Variants in ANGPT2 observed in about 807,000 individuals in gnomAD.
The protein encoded by ANGPT2 is angiopoietin 2.
Under a neutral mutation model 62.9 loss-of-function variants are expected in ANGPT2, and 28 were observed. The ratio of observed to expected loss-of-function variants is 0.44; its 90% CI spans 0.33 to 0.61. ANGPT2 has a LOEUF of 0.61. ANGPT2 is among the 20% of genes least tolerant of loss of function. The pLI is 0.03. For synonymous variants in ANGPT2, 284 were observed against 207.8 expected, an observed-to-expected ratio of 1.37 and a Z score of -3.15; for missense variants, 727 against 594.9, an observed-to-expected ratio of 1.22 and a Z score of -2.31.
intron 1 of ANGPT2, among the ~76,000 whole-genome samples, chr8:6,534,433 C>G (rs1355991954): frequency 6.6e-6 from 1 of 152,046 alleles, no homozygotes; most frequent in Non-Finnish European, 1.5e-5. Context: ...ATCAGTCCCC[C>G]ACAGACATCA....
intron 1 of ANGPT2, among the ~76,000 whole-genome samples, chr8:6,532,864 G>A (rs549559342): frequency 1.8e-4 from 27 of 152,312 alleles, no homozygotes; most frequent in African/African-American, 6.5e-4. Context: ...CTCTGACCAT[G>A]CAGTCAGGAA....
In ANGPT2 at chr8:6,505,285, T is replaced by G. The variant is rs1254303509; in HGVS notation, c.1328-2024A>C. 1.9e-5 allele frequency among the ~76,000 whole-genome samples: 2 copies of G among 105,324 alleles called. 1 individual carries two copies. The highest frequency in any genetic ancestry group is 3.5e-5 in the Non-Finnish European group (2 of 57,592). The allele number at this position is 105,324 out of a possible 152,430, so 69.1% of individuals were successfully genotyped here. ...TTTTATATATATGTATACATATATA[T>G]GTTATATACATATATATGTATATAA... On this transcript the variant is annotated intron_variant, in intron 8 of 8. Coordinates refer to ENST00000629816, the MANE Select transcript of ANGPT2 (RefSeq NM_001118887.2).
intron 1 of ANGPT2, among the ~76,000 whole-genome samples, chr8:6,544,788 T>C (rs547652898): frequency 6.6e-6 from 1 of 152,188 alleles, no homozygotes; most frequent in Non-Finnish European, 1.5e-5. Context: ...CTCCCTTACC[T>C]CCTGACTTGA....
Position 6,521,337 on chromosome 8 carries a change from C to A in ANGPT2, c.640G>T (p.Asp214Tyr). The change falls in exon 4 of 9, where the codon GAT becomes TAT. Residue 214 changes from aspartate (D) to tyrosine (Y), a missense_variant. By Grantham distance (160) the Asp-to-Tyr change is radical. Coordinates refer to ENST00000629816, the MANE Select transcript of ANGPT2 (RefSeq NM_001118887.2). ...IQLQSIKEEK[D>Y]QLQVLVSKQN... ...TTGGATACTAACACCTGTAGCTGAT[C>A]TTTCTCTTCTTTTATTGACTGTAGT... The A allele has an allele frequency of 3.7e-6, 6 of 1,613,710 alleles. No homozygotes were observed. The highest frequency in any genetic ancestry group is 1.3e-5 in the African/African-American group (1 of 75,006).
chr8:6,561,338 C>A (rs1762217621), intron 1 of ANGPT2, among the ~76,000 whole-genome samples: 1 of 152,320 alleles, frequency 6.6e-6, no homozygotes, highest in East Asian at 1.9e-4. Context: ...AATGACTCCT[C>A]TTGACACAGT....
chr8:6,522,509 C>A (rs992213503), intron 3 of ANGPT2, among the ~76,000 whole-genome samples: 1 of 152,104 alleles, frequency 6.6e-6, no homozygotes, highest in Non-Finnish European at 1.5e-5. Flanking sequence ...CTCAGTGGCT[C>A]ACACCTATAA....
chr8:6,528,572 C>T (rs1456732909), intron 2 of ANGPT2, among the ~76,000 whole-genome samples: 4 of 152,240 alleles, frequency 2.6e-5, no homozygotes, highest in African/African-American at 7.2e-5. Context: ...GAGTGTGAAG[C>T]GGAGCCTCAG....
At chr8:6,536,952 A>G (rs944064768) in intron 1 of ANGPT2, among the ~76,000 whole-genome samples, 1 of 151,020 alleles carries the variant, frequency 6.6e-6, no homozygotes, top group African/African-American at 2.4e-5. Flanking sequence ...CATTCTAAGT[A>G]TAAGGAAGTC....
intron 1 of ANGPT2, among the ~76,000 whole-genome samples, chr8:6,536,110 G>A (rs1820442565): frequency 6.6e-6 from 1 of 152,094 alleles, no homozygotes; most frequent in African/African-American, 2.4e-5. Context: ...TCTTACTCTT[G>A]AAGTCATTAA....
At chr8:6,531,325 G>C (rs540141914) in intron 2 of ANGPT2, among the ~76,000 whole-genome samples, 1 of 144,072 alleles carries the variant, frequency 6.9e-6, no homozygotes, top group East Asian at 2.0e-4. Flanking sequence ...GTCTCACTCT[G>C]TTGCCCAGGC....
intron 8 of ANGPT2, chr8:6,508,547 T>C (rs1428394307): frequency 3.3e-6 from 1 of 305,256 alleles, no homozygotes; most frequent in Non-Finnish European, 5.9e-6. Context: ...GAAATATTTC[T>C]ATAATCTATA....
At chr8:6,541,476 T>C (rs942439631) in intron 1 of ANGPT2, among the ~76,000 whole-genome samples, 8 of 152,082 alleles carry the variant, frequency 5.3e-5, no homozygotes, top group African/African-American at 1.9e-4. Flanking sequence ...AGGGCAGGCC[T>C]GGAGACAGGA....
chr8:6,515,031 T>C (rs954106252), intron 5 of ANGPT2, among the ~76,000 whole-genome samples: 1 of 152,202 alleles, frequency 6.6e-6, no homozygotes, highest in Admixed American at 6.5e-5. Flanking sequence ...ATGACTCACT[T>C]GTCATCATCT....
chr8:6,505,318 ATGT>A (rs1482588080), intron 8 of ANGPT2, among the ~76,000 whole-genome samples: 8 of 59,726 alleles, frequency 1.3e-4, no homozygotes, highest in Admixed American at 1.7e-4. Flanking sequence ...TAACATATAT[ATGT>A]TATATACATA....
At chr8:6,508,773 A>T in intron 8 of ANGPT2, 159 bp downstream of exon 8, 1 of 1,071,222 alleles carries the variant, frequency 9.3e-7, no homozygotes, top group East Asian at 2.5e-5. Flanking sequence ...TTAGTCTAAA[A>T]AAAGTGAAAA....
At chr8:6,527,349 A>T (rs1321773211) in intron 3 of ANGPT2, among the ~76,000 whole-genome samples, 5 of 152,250 alleles carry the variant, frequency 3.3e-5, no homozygotes, top group Admixed American at 3.3e-4. Flanking sequence ...AGGGAATGAA[A>T]GGTAAAATCC....
intron 1 of ANGPT2, among the ~76,000 whole-genome samples, chr8:6,559,707 T>C (rs1423392801): frequency 6.6e-6 from 1 of 152,242 alleles, no homozygotes; most frequent in African/African-American, 2.4e-5. Context: ...CCTAGCAAAA[T>C]ACAATCCATT....
intron 1 of ANGPT2, among the ~76,000 whole-genome samples, chr8:6,551,104 G>C (rs1224905180): frequency 6.6e-6 from 1 of 152,184 alleles, no homozygotes; most frequent in Non-Finnish European, 1.5e-5. Context: ...TACCTTCCAC[G>C]GCTCCTGGGC....
At chr8:6,529,684 C>T (rs1168546685) in intron 2 of ANGPT2, among the ~76,000 whole-genome samples, 11 of 143,854 alleles carry the variant, frequency 7.6e-5, no homozygotes, top group African/African-American at 2.6e-4. Context: ...AAGCTGGTCT[C>T]GGACTCCTGA....
Sources: gnomAD v4.1 joint callset for allele counts (sites outside exome capture counted in the v4.1 genomes callset) on GRCh38, gnomAD v4.1.1 for gene constraint, MANE v1.5 for transcripts, NCBI Gene and HGNC (gene_info 2026-07-23, HGNC 2026-07-21) for gene names.